The following TRABD2A variants were observed in gnomAD, a reference collection of about 807,000 sequenced individuals.
The protein encoded by TRABD2A is metalloprotease TIKI1.
TRABD2A carries 43 observed loss-of-function variants against 45.6 expected under a neutral mutation model. The ratio of observed to expected loss-of-function variants is 0.94; its 90% CI spans 0.74 to 1.22. TRABD2A has a LOEUF of 1.22. TRABD2A is among the 50% of genes most tolerant of loss of function. The pLI, the probability that TRABD2A is intolerant of heterozygous loss-of-function variation, is 0.00. For missense variants in TRABD2A, 642 were observed against 652.4 expected (o/e 0.98, Z 0.17); for synonymous variants, 269 against 265.0 (o/e 1.02, Z -0.15).
chr2:84,860,512 C>A (rs939402329), intron 2 of TRABD2A, among the ~76,000 whole-genome samples: 2 of 152,236 alleles, frequency 1.3e-5, no homozygotes, highest in Non-Finnish European at 2.9e-5. Context: ...CCTCTAGAAT[C>A]ATGAGGCCGA....
chr2:84,872,292 T>C (rs1682891776), intron 1 of TRABD2A, among the ~76,000 whole-genome samples: 1 of 152,184 alleles, frequency 6.6e-6, no homozygotes, highest in South Asian at 2.1e-4. Context: ...GCAGATCACT[T>C]GAGCTCAGGA....
intron 2 of TRABD2A, among the ~76,000 whole-genome samples, chr2:84,849,187 T>G (rs1199470966): frequency 6.6e-6 from 1 of 152,130 alleles, no homozygotes; most frequent in Non-Finnish European, 1.5e-5. Context: ...GGGCTCAGGC[T>G]GCCCCTGGCT....
intron 5 of TRABD2A, among the ~76,000 whole-genome samples, chr2:84,826,053 G>T (rs899393720): frequency 3.9e-5 from 6 of 152,166 alleles, no homozygotes; most frequent in African/African-American, 1.2e-4. Context: ...CAGATGATCA[G>T]GTAGCTCCAT....
intron 1 of TRABD2A, among the ~76,000 whole-genome samples, chr2:84,879,961 A>C (rs1245633394): frequency 1.3e-5 from 2 of 152,096 alleles, no homozygotes; most frequent in Non-Finnish European, 2.9e-5. Context: ...GTGGGCCTCT[A>C]AATTCCAGCC....
rs554358665 is a variant in TRABD2A, at chr2:84,876,420, T to G, written c.108+4512A>C. Among the ~76,000 whole-genome samples, 38 of 151,508 alleles carry G rather than the reference T, an allele frequency of 2.5e-4. No individual in the cohort carries two copies. The East Asian group carries it at 7.2e-3, about 29-fold the overall frequency. On this transcript the variant is annotated intron_variant, in intron 1 of 6. Transcript: ENST00000409520. ...AAGGTTGCTGGGAAAATCAGAAGAG[T>G]AGGAGGCCGATTGAAGAAAGTACTT...
rs182569411 is a variant in TRABD2A at position 84,839,280 on chromosome 2, A to G, written c.860T>C (p.Ile287Thr). ...GTAGCTGTCAATCTCCTGAGCAGTG[A>G]TGCGCTCCTGAGGTGGTAGCGTGGC... ...INATLPPQER[I>T]TAQEIDSYLR... The change falls in exon 4 of 7, where the codon ATC (isoleucine) becomes ACC (threonine). Residue 287 changes from isoleucine to threonine, a missense_variant. Physicochemically the swap from Ile to Thr is moderately conservative, Grantham distance 89 (BLOSUM62 -1). Transcript: ENST00000409520. 1.4e-4 allele frequency: 223 copies of G among 1,613,836 alleles called. No homozygotes were observed. The East Asian group carries it at 4.8e-3, about 35-fold the overall frequency.
intron 1 of TRABD2A, among the ~76,000 whole-genome samples, chr2:84,878,050 C>T (rs1683083458): frequency 6.6e-6 from 1 of 152,132 alleles, no homozygotes; most frequent in Non-Finnish European, 1.5e-5. Flanking sequence ...TGATTAAGTG[C>T]TATAAATAAA....
chr2:84,846,983 TAG>T (rs1681919421), intron 2 of TRABD2A, among the ~76,000 whole-genome samples: 2 of 152,192 alleles, frequency 1.3e-5, no homozygotes, highest in South Asian at 4.1e-4. Flanking sequence ...CCAGACCTAG[TAG>T]TCCATGCCTC....
At chr2:84,856,480 T>C (rs1321128720) in intron 2 of TRABD2A, among the ~76,000 whole-genome samples, 6 of 152,148 alleles carry the variant, frequency 3.9e-5, no homozygotes, top group Admixed American at 3.9e-4. Context: ...GTCTGCTTTT[T>C]GGCAGAGGCA....
At chr2:84,824,677 A>G (rs574976252) in intron 5 of TRABD2A, among the ~76,000 whole-genome samples, 2 of 151,922 alleles carry the variant, frequency 1.3e-5, no homozygotes, top group African/African-American at 4.8e-5. Flanking sequence ...CAGCCTCCCA[A>G]ATACAAGCAA....
At chr2:84,833,967 C>G (rs913069277) in intron 4 of TRABD2A, 2 of 152,500 alleles carry the variant, frequency 1.3e-5, no homozygotes, top group Admixed American at 6.5e-5. Flanking sequence ...GCCCAGAACC[C>G]AGTCGACCTT....
chr2:84,855,722 G>C (rs1306272591), intron 2 of TRABD2A, among the ~76,000 whole-genome samples: 1 of 151,636 alleles, frequency 6.6e-6, no homozygotes, highest in Non-Finnish European at 1.5e-5. Context: ...GGAAAGAATC[G>C]ATTAAGCTCC....
At chr2:84,832,469 A>G in intron 4 of TRABD2A, 1 of 302,804 alleles carries the variant, frequency 3.3e-6, no homozygotes. Context: ...ATATGTGAGC[A>G]GGATCCTGAA....
rs1683188044 is a variant in TRABD2A, at chr2:84,880,991, T to C, written c.49A>G (p.Thr17Ala). The C allele has an allele frequency of 3.7e-6, 6 of 1,605,880 alleles. No homozygotes were observed. The highest frequency in any genetic ancestry group is 1.3e-5 in the African/African-American group (1 of 74,932). The stretch of plus-strand genomic sequence containing the variant: ...GCCCCGCGCCGCGAAGCTGCGCCCG[T>C]GGGCAGGAGGCAGAGGGTCTGCAGC... ...FLLQTLCLLP[T>A]GAASRRGAPG... Residue 17 changes from threonine to alanine, a missense_variant, in exon 1 of 7, where the codon ACG (threonine) becomes GCG (alanine). Transcript: ENST00000409520.
At chr2:84,838,032 A>G (rs1422804043) in intron 4 of TRABD2A, 1 of 548,630 alleles carries the variant, frequency 1.8e-6, no homozygotes, top group Non-Finnish European at 3.3e-6. Flanking sequence ...GGCTATTCAC[A>G]CAGAGCAAGC....
At chr2:84,842,052 T>G (rs770668382) in intron 2 of TRABD2A, 45 bp from the exon 3 acceptor site, 47 of 1,436,500 alleles carry the variant, frequency 3.3e-5, no homozygotes, top group Non-Finnish European at 2.8e-5. Flanking sequence ...GGCAACTGTT[T>G]GCTGCCATCT....
intron 2 of TRABD2A, among the ~76,000 whole-genome samples, chr2:84,855,331 C>T (rs376311337): frequency 9.2e-5 from 14 of 152,094 alleles, no homozygotes; most frequent in East Asian, 5.8e-4. Flanking sequence ...GCATTTCCTA[C>T]GGTGCAAAAA....
At position 84,824,056 on chromosome 2, in the gene TRABD2A, T is replaced by C; in HGVS notation, c.1231A>G (p.Thr411Ala). 6.2e-7 allele frequency: 1 copy of C among 1,613,846 alleles called. No individual in the cohort carries two copies. The highest frequency in any genetic ancestry group is 8.5e-7 in the Non-Finnish European group (1 of 1,179,824). ...AACCTCTGTTCGGCCTCACTGGGCG[T>C]GTCGGCACTTCCAGGCCGGGACACA... Reference protein sequence around the residue: ...PLVSRPGSADTPSEAEQRFRK... With the variant: ...PLVSRPGSADAPSEAEQRFRK... Residue 411 changes from threonine (T) to alanine (A), a missense_variant, in exon 6 of 7, where the codon ACG (threonine) becomes GCG (alanine). Thr to Ala is a moderately conservative substitution (Grantham distance 58). Transcript: ENST00000409520.
intron 4 of TRABD2A, chr2:84,838,047 A>G: frequency 1.7e-6 from 1 of 576,072 alleles, no homozygotes; most frequent in Non-Finnish European, 3.1e-6. Flanking sequence ...GCAAGCTCTG[A>G]GTCAGGTCAA....
Sources: allele counts gnomAD v4.1 joint callset (sites outside exome capture counted in the v4.1 genomes callset), GRCh38; gene constraint gnomAD v4.1.1; transcripts MANE v1.5; gene names NCBI Gene and HGNC (gene_info 2026-07-23, HGNC 2026-07-21).